The following PTPRT variants were observed in gnomAD, a reference collection of about 807,000 sequenced individuals.
PTPRT encodes protein tyrosine phosphatase receptor type T.
PTPRT carries 56 observed loss-of-function variants against 176.8 expected under a neutral mutation model. That is an observed-to-expected ratio of 0.32 (90% CI 0.26 to 0.40). The LOEUF (loss-of-function observed/expected upper bound fraction) is 0.40, where lower values mean the gene tolerates loss of function less well. PTPRT is among the 10% of genes least tolerant of loss of function. The probability of loss-of-function intolerance (pLI) is 1.00; values close to 1 mark genes in which losing one functional copy is unlikely to be tolerated. For missense variants in PTPRT, 1,540 were observed against 1,908.2 expected (o/e 0.81, Z 3.60); for synonymous variants, 783 against 739.0 (o/e 1.06, Z -0.96).
At position 42,857,305 on chromosome 20, in the gene PTPRT, G is replaced by C. The variant is rs562836413; in HGVS notation, c.214+28502C>G. The stretch of plus-strand genomic sequence containing the variant: ...TCCTGACCTTCCACTGCCCACATCT[G>C]TTTCCAAGAGTTTCCTGACAGTGTG... On this transcript the variant is annotated intron_variant, in intron 2 of 30. Transcript: ENST00000373187. Among the ~76,000 whole-genome samples, 28 of 152,212 alleles carry C rather than the reference G, an allele frequency of 1.8e-4. 1 individual carries two copies. The highest frequency in any genetic ancestry group is 6.5e-4 in the African/African-American group (27 of 41,534).
At chr20:43,161,864 G>A (rs2014709596) in intron 1 of PTPRT, among the ~76,000 whole-genome samples, 1 of 152,214 alleles carries the variant, frequency 6.6e-6, no homozygotes, top group Non-Finnish European at 1.5e-5. Context: ...AGAACAGAGG[G>A]CCCAGGAGGG....
chr20:42,767,746 CTATA>C (rs1221629350), intron 5 of PTPRT, among the ~76,000 whole-genome samples: 1 of 142,462 alleles, frequency 7.0e-6, no homozygotes, highest in Admixed American at 7.1e-5. Context: ...TTAATGAGTG[CTATA>C]TAAAGATTAT....
intron 7 of PTPRT, among the ~76,000 whole-genome samples, chr20:42,637,425 A>C (rs1004717875): frequency 6.6e-6 from 1 of 152,098 alleles, no homozygotes; most frequent in African/African-American, 2.4e-5. Flanking sequence ...TGATCCTTAC[A>C]TATGCCAAGC....
intron 26 of PTPRT, among the ~76,000 whole-genome samples, chr20:42,100,939 C>A (rs1985872498): frequency 6.6e-6 from 1 of 152,196 alleles, no homozygotes; most frequent in African/African-American, 2.4e-5. Context: ...CTGGGATAGG[C>A]ATTGACCTTC....
chr20:42,293,303 A>G (rs2057344418), intron 12 of PTPRT, among the ~76,000 whole-genome samples: 1 of 152,198 alleles, frequency 6.6e-6, no homozygotes, highest in South Asian at 2.1e-4. Context: ...AGACTTTTAT[A>G]TGGTCAGCAC....
chr20:42,702,742 G>A (rs2075992870), intron 6 of PTPRT, among the ~76,000 whole-genome samples: 1 of 152,192 alleles, frequency 6.6e-6, no homozygotes, highest in Non-Finnish European at 1.5e-5. Context: ...GAGGCCAAGA[G>A]GTAGCAAGGT....
At chr20:42,835,987 C>G (rs1020867240) in intron 2 of PTPRT, among the ~76,000 whole-genome samples, 5 of 152,106 alleles carry the variant, frequency 3.3e-5, no homozygotes, top group Non-Finnish European at 7.4e-5. Context: ...AGCTCAGTGC[C>G]TGGCATGAAG....
intron 1 of PTPRT, among the ~76,000 whole-genome samples, chr20:43,034,544 T>TA (rs34588364): frequency 0.32 from 45,988 of 142,700 alleles, 9,659 homozygotes; most frequent in African/African-American, 0.6. Context: ...CTTCACTAAT[T>TA]AAAAAAAAAA....
At chr20:43,180,494 A>G (rs2015230092) in intron 1 of PTPRT, among the ~76,000 whole-genome samples, 1 of 149,694 alleles carries the variant, frequency 6.7e-6, no homozygotes, top group African/African-American at 2.5e-5. Context: ...ACAGAGTTTC[A>G]CTCTTGTCTC....
the PTPRT span, among the ~76,000 whole-genome samples, chr20:42,040,073 T>C: frequency 6.6e-6 from 1 of 151,260 alleles, no homozygotes; most frequent in African/African-American, 2.4e-5. Context: ...AAAAGTTCCC[T>C]TTTTTTTCCC....
At chr20:42,318,412 C>A (rs2057751491) in intron 11 of PTPRT, among the ~76,000 whole-genome samples, 1 of 152,156 alleles carries the variant, frequency 6.6e-6, no homozygotes, top group East Asian at 1.9e-4. Flanking sequence ...TCAGGTAAAT[C>A]TTTGAATCTG....
chr20:42,367,635 G>T (rs1001407905), intron 9 of PTPRT, among the ~76,000 whole-genome samples: 4 of 152,198 alleles, frequency 2.6e-5, no homozygotes, highest in Non-Finnish European at 4.4e-5. Flanking sequence ...GGGTGGGGAG[G>T]ATAGGTGTGC....
chr20:42,583,306 A>G (rs995741718), intron 7 of PTPRT, among the ~76,000 whole-genome samples: 2 of 152,204 alleles, frequency 1.3e-5, no homozygotes, highest in African/African-American at 4.8e-5. Context: ...GCTCAGAGTT[A>G]TTTGCTCAAA....
intron 1 of PTPRT, among the ~76,000 whole-genome samples, chr20:43,149,887 T>C (rs560290958): frequency 3.9e-4 from 59 of 152,322 alleles, no homozygotes; most frequent in Non-Finnish European, 7.3e-4. Context: ...CCTGCATTCA[T>C]TCAAAGAGGA....
At chr20:42,951,582 C>A (rs1568696934) in intron 1 of PTPRT, among the ~76,000 whole-genome samples, 1 of 152,180 alleles carries the variant, frequency 6.6e-6, no homozygotes, top group South Asian at 2.1e-4. Context: ...AGGTCCCAAT[C>A]CTTGAGGACC....
At chr20:42,121,306 G>T (rs188641701) in intron 19 of PTPRT, among the ~76,000 whole-genome samples, 1 of 152,300 alleles carries the variant, frequency 6.6e-6, no homozygotes. Flanking sequence ...TGGATTAACC[G>T]CAGAGCAATC....
downstream of PTPRT, among the ~76,000 whole-genome samples, chr20:42,069,307 G>A (rs985877723): frequency 1.3e-5 from 2 of 152,094 alleles, no homozygotes; most frequent in Non-Finnish European, 2.9e-5. Context: ...TTTATTAAGG[G>A]GACTCATGAA....
intron 6 of PTPRT, among the ~76,000 whole-genome samples, chr20:42,709,453 G>T (rs1231252394): frequency 2.6e-5 from 4 of 152,162 alleles, no homozygotes; most frequent in Non-Finnish European, 4.4e-5. Flanking sequence ...CTTGCCATGT[G>T]ACAAGCAGGC....
chr20:42,204,726 G>C (rs1323934959), intron 15 of PTPRT, among the ~76,000 whole-genome samples: 2 of 152,140 alleles, frequency 1.3e-5, no homozygotes, highest in Admixed American at 6.5e-5. Context: ...CATGAGTCCT[G>C]TGATTTGTTC....
Sources: gnomAD v4.1 joint callset for allele counts (sites outside exome capture counted in the v4.1 genomes callset) on GRCh38, gnomAD v4.1.1 for gene constraint, MANE v1.5 for transcripts, NCBI Gene and HGNC (gene_info 2026-07-23, HGNC 2026-07-21) for gene names.